The following PKD2L2 variants were observed in gnomAD, a reference collection of about 807,000 sequenced individuals.
PKD2L2 encodes the protein polycystin 2 like 2, transient receptor potential cation channel.
PKD2L2 carries 67 observed loss-of-function variants against 83.9 expected under a neutral mutation model. The observed-to-expected ratio is 0.80, with a 90% CI of 0.66 to 0.98. PKD2L2 has a LOEUF of 0.98. Among genes scored for constraint, PKD2L2 ranks in the 50% least tolerant of loss-of-function variants. PKD2L2 has a pLI of 0.00. For synonymous variants in PKD2L2, 223 were observed against 237.8 expected, an observed-to-expected ratio of 0.94 and a Z score of 0.57; for missense variants, 632 against 717.2, an observed-to-expected ratio of 0.88 and a Z score of 1.36.
intron 14 of PKD2L2, 47 bp from the exon 15 acceptor site, chr5:137,942,337 T>C: frequency 2.9e-6 from 1 of 342,628 alleles, no homozygotes; most frequent in East Asian, 5.1e-5. Context: ...TCCTGTACTT[T>C]GTTATAAATC....
intron 12 of PKD2L2, among the ~76,000 whole-genome samples, chr5:137,934,336 A>T (rs1760129217): frequency 1.3e-5 from 2 of 152,198 alleles, no homozygotes; most frequent in South Asian, 4.1e-4. Flanking sequence ...TACTATGCAT[A>T]GTCTATTTTA....
chr5:137,937,256 C>A lies in PKD2L2; in HGVS notation c.*17+829C>A, dbSNP rs1760518511. Among the ~76,000 whole-genome samples, 3 of 152,140 alleles carry A rather than the reference C, an allele frequency of 2.0e-5. No individual in the cohort carries two copies. In the South Asian group the frequency reaches 6.2e-4, roughly 31 times the overall value. On this transcript the variant is annotated intron_variant, in intron 14 of 14. Transcript: ENST00000508883. Reference sequence around the variant, plus strand: ...AAAAGCCAAAGTGTAGAACAAACTCCCCAGCCACCTACAGAAATCTCACTA... The same window carrying A: ...AAAAGCCAAAGTGTAGAACAAACTCACCAGCCACCTACAGAAATCTCACTA...
chr5:137,940,490 T>C, intron 14 of PKD2L2: 1 of 613,356 alleles, frequency 1.6e-6, no homozygotes, highest in South Asian at 2.2e-5. Context: ...AAAAAGGTTA[T>C]TGAACTAATA....
chr5:137,933,573 A>G lies in PKD2L2; in HGVS notation c.1672-2224A>G, dbSNP rs549688756. Among the ~76,000 whole-genome samples the G allele has an allele frequency of 2.6e-5, 4 of 152,284 alleles. No homozygotes were observed. The East Asian group carries it at 5.8e-4, about 22-fold the overall frequency. On this transcript the variant is annotated intron_variant, in intron 12 of 14. Transcript: ENST00000508883. ...GATTACAAGGCTACAGTTGGTATTT[A>G]TAACTTCCTTCTCCTACCCATTCCG...
chr5:137,935,081 G>A (rs897260999), intron 12 of PKD2L2, among the ~76,000 whole-genome samples: 6 of 152,238 alleles, frequency 3.9e-5, no homozygotes, highest in Non-Finnish European at 8.8e-5. Flanking sequence ...GAGCAGGGAA[G>A]TATCATACAA....
At chr5:137,941,950 T>G (rs775877494) in intron 14 of PKD2L2, 1 of 1,612,912 alleles carries the variant, frequency 6.2e-7, no homozygotes, top group Non-Finnish European at 8.5e-7. Context: ...AAACCTTCCA[T>G]TTTGTTGATA....
intron 14 of PKD2L2, chr5:137,937,837 C>T (rs981258915): frequency 6.6e-6 from 1 of 152,074 alleles, no homozygotes; most frequent in African/African-American, 2.4e-5. Flanking sequence ...TTTAGTGACC[C>T]TGTTGTTCCC....
chr5:137,914,347 A>T (rs1258857216), intron 8 of PKD2L2, among the ~76,000 whole-genome samples: 3 of 152,158 alleles, frequency 2.0e-5, no homozygotes, highest in Admixed American at 2.0e-4. Flanking sequence ...CTGGATTTCA[A>T]ATTTTCAGCT....
At chr5:137,895,491 AAAGG>A (rs1214580255) in intron 4 of PKD2L2, among the ~76,000 whole-genome samples, 9 of 150,788 alleles carry the variant, frequency 6.0e-5, no homozygotes, top group African/African-American at 1.5e-4. Context: ...AAAAAAAAAA[AAAGG>A]AAGGAAGGAA....
rs143780070 is a variant in PKD2L2 at position 137,936,516 on chromosome 5, C to T, written c.*17+89C>T. 883 of 1,083,036 alleles carry T rather than the reference C, an allele frequency of 8.2e-4. 7 individuals are homozygous for T. The African/African-American group carries it at 0.013, about 16-fold the overall frequency. 67.1% of individuals were successfully genotyped at this position (1,083,036 alleles called of 1,614,324 possible). A position where few individuals can be genotyped will look rare whatever the true frequency, so the allele number is the denominator to read the frequency against. The stretch of plus-strand genomic sequence containing the variant: ...TAACGCCCAGGCTGGAGTGCAGTGG[C>T]GTGGTCTCGGCTCACTGCAAACTCC... On this transcript the variant is annotated intron_variant, in intron 14 of 14. Coordinates refer to ENST00000508883, the MANE Select transcript of PKD2L2 (RefSeq NM_001300921.2).
At chr5:137,925,997 C>G in intron 12 of PKD2L2, 68 bp downstream of exon 12, 1 of 801,346 alleles carries the variant, frequency 1.2e-6, no homozygotes, top group Non-Finnish European at 2.1e-6. Flanking sequence ...CAAAAACGCT[C>G]TGGTTAAGAA....
At chr5:137,926,903 T>C (rs1043560463) in intron 12 of PKD2L2, among the ~76,000 whole-genome samples, 2 of 152,174 alleles carry the variant, frequency 1.3e-5, no homozygotes, top group African/African-American at 4.8e-5. Context: ...GATTTTGGTG[T>C]ACTTTGGGGT....
chr5:137,907,997 A>T (rs1389520599), intron 7 of PKD2L2, 85 bp downstream of exon 7: 3 of 635,264 alleles, frequency 4.7e-6, no homozygotes, highest in Non-Finnish European at 7.3e-6. Flanking sequence ...GGGAAAAAAG[A>T]TTTTTTCAAC....
rs1169529107 is a variant in PKD2L2, at chr5:137,916,475, C to CTTTTTTT, written c.1329-5145_1329-5139dup. 8.6e-5 allele frequency among the ~76,000 whole-genome samples: 8 copies of CTTTTTTT among 93,216 alleles called. 2 individuals carry two copies. Among genetic ancestry groups the CTTTTTTT allele is most frequent in the Non-Finnish European group, 1.4e-4 (7 of 50,108 alleles). The allele number at this position is 93,216 out of a possible 152,430, so 61.2% of individuals were successfully genotyped here. ...AAGATTCTTAATTGCCACTTTTCTT[C>CTTTTTTT]TTTTTTTTTTTTTTTTTTTTTTGAG... On this transcript the variant is annotated intron_variant, in intron 8 of 14. Transcript: ENST00000508883.
At chr5:137,940,029 G>C (rs1761170604) in intron 14 of PKD2L2, 2 of 1,612,126 alleles carry the variant, frequency 1.2e-6, no homozygotes, top group Non-Finnish European at 1.7e-6. Context: ...GGTTAATATG[G>C]AACATCACTT....
At chr5:137,929,920 G>C (rs1759726259) in intron 12 of PKD2L2, among the ~76,000 whole-genome samples, 1 of 152,078 alleles carries the variant, frequency 6.6e-6, no homozygotes, top group African/African-American at 2.4e-5. Context: ...ATAAATCAAA[G>C]GATTCTAGAC....
intron 11 of PKD2L2, 75 bp downstream of exon 11, chr5:137,925,179 T>A (rs912768422): frequency 6.5e-6 from 6 of 916,540 alleles, no homozygotes; most frequent in Non-Finnish European, 1.0e-5. Context: ...ATAAGGTTTT[T>A]TTTGTTTTTT....
intron 14 of PKD2L2, 147 bp from the exon 15 acceptor site, chr5:137,942,237 T>G: frequency 1.7e-6 from 1 of 585,492 alleles, no homozygotes; most frequent in Non-Finnish European, 3.0e-6. Context: ...ATCTTCCCAG[T>G]GAAGTCAGGG....
At chr5:137,903,438 C>A (rs975037637) in intron 5 of PKD2L2, among the ~76,000 whole-genome samples, 1 of 152,184 alleles carries the variant, frequency 6.6e-6, no homozygotes, top group Non-Finnish European at 1.5e-5. Flanking sequence ...CAGGCTCTAA[C>A]ATTTCTGGGA....
Sources: allele counts gnomAD v4.1 joint callset (sites outside exome capture counted in the v4.1 genomes callset), GRCh38; gene constraint gnomAD v4.1.1; transcripts MANE v1.5; gene names NCBI Gene and HGNC (gene_info 2026-07-23, HGNC 2026-07-21).